Variants in RGS7 observed in about 807,000 individuals in gnomAD.
RGS7 encodes regulator of G protein signaling 7.
RGS7 carries 27 observed loss-of-function variants against 81.1 expected under a neutral mutation model. The ratio of observed to expected loss-of-function variants is 0.33; its 90% CI spans 0.25 to 0.46. RGS7 has a LOEUF of 0.46. RGS7 is among the 20% of genes least tolerant of loss of function. RGS7 has a pLI of 1.00. For missense variants in RGS7, 396 were observed against 607.4 expected (o/e 0.65, Z 3.66); for synonymous variants, 208 against 207.7 (o/e 1.00, Z -0.01).
chr1:241,202,938 G>A (rs2073630680), intron 2 of RGS7, among the ~76,000 whole-genome samples: 1 of 152,030 alleles, frequency 6.6e-6, no homozygotes, highest in African/African-American at 2.4e-5. Flanking sequence ...ACATGCTTCT[G>A]AGTCCCTCAT....
chr1:241,119,117 AAT>A (rs2066068544), intron 2 of RGS7, among the ~76,000 whole-genome samples: 1 of 152,182 alleles, frequency 6.6e-6, no homozygotes, highest in Admixed American at 6.5e-5. Context: ...AATCAGTAAA[AAT>A]ATATATTAAT....
intron 2 of RGS7, among the ~76,000 whole-genome samples, chr1:241,126,819 T>C (rs1170658293): frequency 1.3e-5 from 2 of 151,936 alleles, no homozygotes; most frequent in East Asian, 3.9e-4. Context: ...ATTTTTTTTT[T>C]TTTTGGTCTA....
chr1:241,283,705 G>A (rs1355688140), intron 2 of RGS7, among the ~76,000 whole-genome samples: 1 of 152,220 alleles, frequency 6.6e-6, no homozygotes. Context: ...TTCTTTGAGT[G>A]TTTTTCTATC....
intron 3 of RGS7, among the ~76,000 whole-genome samples, chr1:241,047,733 C>CTTTTTTTTTTTTT (rs34738551): frequency 4.5e-5 from 4 of 89,514 alleles, no homozygotes; most frequent in Non-Finnish European, 8.3e-5. Context: ...GTTTACAATC[C>CTTTTTTTTTTTTT]TTTTTTTTTT....
intron 11 of RGS7, among the ~76,000 whole-genome samples, chr1:240,815,558 TCA>T: frequency 6.6e-6 from 1 of 152,298 alleles, no homozygotes; most frequent in African/African-American, 2.4e-5. Flanking sequence ...CATGGAATAA[TCA>T]CACACAGAAA....
chr1:241,047,897 G>T (rs919922763), intron 3 of RGS7, among the ~76,000 whole-genome samples: 1 of 151,660 alleles, frequency 6.6e-6, no homozygotes, highest in African/African-American at 2.4e-5. Flanking sequence ...GCACCACCAC[G>T]CCTGGCTAAT....
intron 2 of RGS7, among the ~76,000 whole-genome samples, chr1:241,273,784 TA>T (rs1054360137): frequency 1.3e-5 from 2 of 152,218 alleles, no homozygotes; most frequent in East Asian, 1.9e-4. Context: ...GCCTTGTCCT[TA>T]AAAAAAGTCC....
chr1:241,068,105 C>T (rs2062177327), intron 3 of RGS7, among the ~76,000 whole-genome samples: 1 of 151,106 alleles, frequency 6.6e-6, no homozygotes, highest in Non-Finnish European at 1.5e-5. Flanking sequence ...CACAAGCACC[C>T]TAGCAGTCAG....
intron 3 of RGS7, among the ~76,000 whole-genome samples, chr1:241,047,624 T>A (rs2061003830): frequency 6.6e-6 from 1 of 152,118 alleles, no homozygotes; most frequent in Non-Finnish European, 1.5e-5. Flanking sequence ...CTTACTAAAT[T>A]GAAAGGAAAT....
chr1:241,064,609 C>T (rs1572515175), intron 3 of RGS7, among the ~76,000 whole-genome samples: 1 of 148,740 alleles, frequency 6.7e-6, no homozygotes, highest in Admixed American at 6.7e-5. Flanking sequence ...AAATACCAAA[C>T]ATTTGGCCAG....
intron 2 of RGS7, among the ~76,000 whole-genome samples, chr1:241,123,240 T>C (rs956172277): frequency 1.3e-5 from 2 of 152,146 alleles, no homozygotes; most frequent in African/African-American, 4.8e-5. Context: ...TCCCTCTTTT[T>C]CATCACTCAT....
At chr1:240,960,217 C>CTTCTTTTTT (rs60911948) in intron 4 of RGS7, among the ~76,000 whole-genome samples, 9 of 8,958 alleles carry the variant, frequency 1.0e-3, no homozygotes, top group Non-Finnish European at 1.4e-3. Flanking sequence ...TCTTCTTCTT[C>CTTCTTTTTT]TTTTTTTTTT....
intron 2 of RGS7, among the ~76,000 whole-genome samples, chr1:241,252,042 T>C (rs1253752044): frequency 1.3e-5 from 2 of 150,098 alleles, no homozygotes; most frequent in Non-Finnish European, 2.9e-5. Flanking sequence ...TTTCTTTCTT[T>C]CTTTTTCTTT....
At chr1:241,315,490 T>C (rs1049136676) in intron 2 of RGS7, among the ~76,000 whole-genome samples, 8 of 152,216 alleles carry the variant, frequency 5.3e-5, no homozygotes, top group African/African-American at 1.9e-4. Flanking sequence ...AACATTTGAA[T>C]GTAGTCTCTA....
chr1:241,290,778 C>T (rs2148447240), intron 2 of RGS7, among the ~76,000 whole-genome samples: 1 of 152,300 alleles, frequency 6.6e-6, no homozygotes, highest in Non-Finnish European at 1.5e-5. Flanking sequence ...TCTCAATTTT[C>T]TCAACTGTCA....
chr1:240,933,085 T>G (rs552097194), intron 5 of RGS7, among the ~76,000 whole-genome samples: 1 of 150,228 alleles, frequency 6.7e-6, no homozygotes, highest in Non-Finnish European at 1.5e-5. Context: ...GGTTTCACCG[T>G]GTTAGCCAGG....
Position 240,954,872 on chromosome 1 carries a change from C to T in RGS7, c.227-18166G>A, listed in dbSNP as rs1461538867. Reference sequence around the variant, plus strand: ...TCCCAAAGAATCTACAAAAACACTCCTGAAATTTAAAAGGTAGAATATCAA... The same window carrying T: ...TCCCAAAGAATCTACAAAAACACTCTTGAAATTTAAAAGGTAGAATATCAA... On this transcript the variant is annotated intron_variant, in intron 4 of 18. Coordinates refer to ENST00000440928, the MANE Select transcript of RGS7 (RefSeq NM_001364886.1). 2.6e-5 allele frequency among the ~76,000 whole-genome samples: 4 copies of T among 152,204 alleles called. No homozygotes were observed. The South Asian group carries it at 6.2e-4, about 24-fold the overall frequency.
At chr1:241,136,225 C>T (rs1446312437) in intron 2 of RGS7, among the ~76,000 whole-genome samples, 1 of 152,178 alleles carries the variant, frequency 6.6e-6, no homozygotes, top group African/African-American at 2.4e-5. Context: ...AGACAGTCTG[C>T]AGTGTCAGAC....
At chr1:240,824,893 C>T (rs979485322) in intron 10 of RGS7, among the ~76,000 whole-genome samples, 8 of 152,136 alleles carry the variant, frequency 5.3e-5, no homozygotes, top group African/African-American at 1.7e-4. Context: ...TGTCTCTATG[C>T]ACACACAGGA....
Sources: gnomAD v4.1 joint callset for allele counts (sites outside exome capture counted in the v4.1 genomes callset) on GRCh38, gnomAD v4.1.1 for gene constraint, MANE v1.5 for transcripts, NCBI Gene and HGNC (gene_info 2026-07-23, HGNC 2026-07-21) for gene names.